The following MMP16 variants were observed in gnomAD, a reference collection of about 807,000 sequenced individuals.
MMP16 encodes the protein matrix metalloproteinase-16.
In MMP16, 12 loss-of-function variants were observed where a neutral mutation model predicts 67.8. The ratio of observed to expected loss-of-function variants is 0.18; its 90% CI spans 0.11 to 0.29. The LOEUF (loss-of-function observed/expected upper bound fraction) is 0.29, where lower values mean the gene tolerates loss of function less well. Among genes scored for constraint, MMP16 ranks in the 10% least tolerant of loss-of-function variants. The pLI is 1.00. For missense variants in MMP16, 475 were observed against 765.7 expected, an observed-to-expected ratio of 0.62 and a Z score of 4.48; for synonymous variants, 249 against 255.9, an observed-to-expected ratio of 0.97 and a Z score of 0.26.
intron 1 of MMP16, among the ~76,000 whole-genome samples, chr8:88,293,467 G>C (rs1418602148): frequency 6.6e-6 from 1 of 152,108 alleles, no homozygotes; most frequent in East Asian, 1.9e-4. Context: ...AATTTAGTTA[G>C]TATGTTCTTC....
At chr8:88,192,084 A>G (rs1809177416) in intron 2 of MMP16, among the ~76,000 whole-genome samples, 1 of 152,238 alleles carries the variant, frequency 6.6e-6, no homozygotes, top group Admixed American at 6.5e-5. Context: ...AATAATATTT[A>G]CTATTTATAG....
At chr8:88,323,094 G>C (rs139084805) in intron 1 of MMP16, among the ~76,000 whole-genome samples, 129 of 152,208 alleles carry the variant, frequency 8.5e-4, no homozygotes, top group African/African-American at 2.9e-3. Flanking sequence ...GAGAATTATA[G>C]GCTATATTCA....
chr8:88,282,886 A>G (rs546097233), intron 1 of MMP16, among the ~76,000 whole-genome samples: 1 of 152,252 alleles, frequency 6.6e-6, no homozygotes, highest in African/African-American at 2.4e-5. Flanking sequence ...GGTTCCACAT[A>G]TTATTCTTTT....
At chr8:88,327,019 T>C in intron 1 of MMP16, 56 bp downstream of exon 1, 1 of 1,606,920 alleles carries the variant, frequency 6.2e-7, no homozygotes, top group Non-Finnish European at 8.5e-7. Context: ...GTGAAGGAAA[T>C]GTTTCAGGGA....
intron 1 of MMP16, among the ~76,000 whole-genome samples, chr8:88,240,109 G>A (rs1038165672): frequency 3.3e-5 from 5 of 152,076 alleles, no homozygotes; most frequent in African/African-American, 1.2e-4. Flanking sequence ...GTCAACTTAC[G>A]CAATGCCCAT....
At chr8:88,314,327 C>A (rs998221101) in intron 1 of MMP16, among the ~76,000 whole-genome samples, 4 of 152,184 alleles carry the variant, frequency 2.6e-5, no homozygotes, top group Admixed American at 2.6e-4. Flanking sequence ...CTAATTATAA[C>A]ATCTGTGCTA....
intron 2 of MMP16, among the ~76,000 whole-genome samples, chr8:88,188,963 A>G (rs1008888711): frequency 6.6e-6 from 1 of 152,138 alleles, no homozygotes; most frequent in East Asian, 1.9e-4. Flanking sequence ...CCCAAAGAAC[A>G]GATATTTTAG....
intron 1 of MMP16, among the ~76,000 whole-genome samples, chr8:88,197,759 C>G (rs1809279641): frequency 6.6e-6 from 1 of 152,196 alleles, no homozygotes; most frequent in Admixed American, 6.5e-5. Context: ...TGACCAGTGA[C>G]TCCAGCTATG....
Position 88,128,026 on chromosome 8 carries a change from G to T in MMP16, c.710-9165C>A, listed in dbSNP as rs1212515854. ...GGAAGGGCATTGAGCTTACTGTCAT[G>T]CAAAGACACAGAACTGGAAAAGGTA... is the stretch of plus-strand genomic sequence containing the variant. On this transcript the variant is annotated intron_variant, in intron 4 of 9. Coordinates refer to ENST00000286614, the MANE Select transcript of MMP16 (RefSeq NM_005941.5). 3.9e-5 allele frequency among the ~76,000 whole-genome samples: 6 copies of T among 151,958 alleles called. No homozygotes were observed. In the East Asian group the frequency reaches 1.2e-3, roughly 30 times the overall value.
chr8:88,288,575 T>C (rs1477209021), intron 1 of MMP16, among the ~76,000 whole-genome samples: 2 of 152,208 alleles, frequency 1.3e-5, no homozygotes. Flanking sequence ...GGCAATAATG[T>C]TGCAATATAA....
chr8:88,201,207 T>C (rs1809339774), intron 1 of MMP16, among the ~76,000 whole-genome samples: 2 of 149,958 alleles, frequency 1.3e-5, no homozygotes. Context: ...CTGAATATAT[T>C]AGGGCTAGAA....
chr8:88,177,387 A>C (rs1402976521), intron 3 of MMP16, among the ~76,000 whole-genome samples: 1 of 152,212 alleles, frequency 6.6e-6, no homozygotes, highest in Admixed American at 6.5e-5. Flanking sequence ...ATTCTGCCCC[A>C]AAAGTGGAGA....
chr8:88,116,764 T>A (rs755020384), intron 5 of MMP16, 46 bp from the exon 6 acceptor site: 23 of 1,528,226 alleles, frequency 1.5e-5, no homozygotes, highest in Middle Eastern at 2.2e-4. Context: ...AAAACTGGAA[T>A]AGAGCTGGAA....
chr8:88,237,141 C>T (rs1457151291), intron 1 of MMP16, among the ~76,000 whole-genome samples: 1 of 152,108 alleles, frequency 6.6e-6, no homozygotes, highest in Admixed American at 6.5e-5. Context: ...AGTTATCACC[C>T]CTGCACTGAT....
At chr8:88,191,852 T>C (rs1356998929) in intron 2 of MMP16, among the ~76,000 whole-genome samples, 2 of 152,222 alleles carry the variant, frequency 1.3e-5, no homozygotes, top group Non-Finnish European at 2.9e-5. Flanking sequence ...AGGAAGGCCG[T>C]GCTTCAACAA....
At chr8:88,310,640 T>C (rs1811280221) in intron 1 of MMP16, among the ~76,000 whole-genome samples, 1 of 152,140 alleles carries the variant, frequency 6.6e-6, no homozygotes, top group Non-Finnish European at 1.5e-5. Context: ...AAGACAGATA[T>C]ACTCTGGCTC....
rs554432961 is a variant in MMP16, at chr8:88,322,130, G to A, written c.132+4945C>T. Among the ~76,000 whole-genome samples the A allele has an allele frequency of 1.1e-4, 16 of 152,198 alleles. No homozygotes were observed. The East Asian group carries it at 3.1e-3, about 29-fold the overall frequency. On this transcript the variant is annotated intron_variant, in intron 1 of 9. Transcript: ENST00000286614. ...TCTTATTGAATCCTACCCATATTAT[G>A]AAAAGGAAGCACTTGGGGTTTGATC...
At chr8:88,272,461 T>C (rs1369971123) in intron 1 of MMP16, among the ~76,000 whole-genome samples, 1 of 152,028 alleles carries the variant, frequency 6.6e-6, no homozygotes, top group African/African-American at 2.4e-5. Flanking sequence ...TCAAGGAAAA[T>C]GATCATAAAC....
In MMP16 at chr8:88,106,345, AC is replaced by A. The variant is rs542507703; in HGVS notation, c.1083+10161del. On this transcript the variant is annotated intron_variant, in intron 6 of 9. Transcript: ENST00000286614. Reference sequence around the variant, plus strand: ...TAAAAATATGTATCTTGGAGATTCAACCTCATTCTTTAAAAATAGCAACATT... The same window carrying A: ...TAAAAATATGTATCTTGGAGATTCAACTCATTCTTTAAAAATAGCAACATT... Among the ~76,000 whole-genome samples the A allele has an allele frequency of 2.4e-4, 36 of 151,338 alleles. No individual in the cohort carries two copies. In the South Asian group the frequency reaches 7.1e-3, roughly 30 times the overall value.
Sources: gnomAD v4.1 joint callset for allele counts (sites outside exome capture counted in the v4.1 genomes callset) on GRCh38, gnomAD v4.1.1 for gene constraint, MANE v1.5 for transcripts, NCBI Gene and HGNC (gene_info 2026-07-23, HGNC 2026-07-21) for gene names.